Variants in CLSTN2 observed in about 807,000 individuals in gnomAD.
CLSTN2 encodes calsyntenin-2.
Under a neutral mutation model 101.2 loss-of-function variants are expected in CLSTN2, and 48 were observed. The ratio of observed to expected loss-of-function variants is 0.47; its 90% CI spans 0.38 to 0.60. The LOEUF is 0.60. Ranked by LOEUF, CLSTN2 falls within the 20% of genes least tolerant of loss-of-function variation. CLSTN2 has a pLI of 0.00. For missense variants in CLSTN2, 1,160 were observed against 1,238.2 expected (o/e 0.94, Z 0.95); for synonymous variants, 481 against 463.6 (o/e 1.04, Z -0.48).
intron 2 of CLSTN2, among the ~76,000 whole-genome samples, chr3:140,292,101 C>T (rs2086959915): frequency 6.6e-6 from 1 of 152,132 alleles, no homozygotes; most frequent in South Asian, 2.1e-4. Context: ...AAAACAATGC[C>T]TCTGTCCATG....
intron 1 of CLSTN2, among the ~76,000 whole-genome samples, chr3:139,944,102 C>T (rs1331471786): frequency 6.6e-6 from 1 of 152,208 alleles, no homozygotes; most frequent in Non-Finnish European, 1.5e-5. Context: ...ACTATTCTGA[C>T]TGCTTTATAG....
At chr3:140,325,837 G>C (rs1187134337) in intron 2 of CLSTN2, among the ~76,000 whole-genome samples, 1 of 152,192 alleles carries the variant, frequency 6.6e-6, no homozygotes, top group African/African-American at 2.4e-5. Context: ...ACCAGACACA[G>C]CAGTAGGGTG....
At chr3:140,046,028 T>G (rs531679763) in intron 1 of CLSTN2, among the ~76,000 whole-genome samples, 1 of 152,348 alleles carries the variant, frequency 6.6e-6, no homozygotes, top group East Asian at 1.9e-4. Flanking sequence ...AAATGTCTAT[T>G]AGGTCCGCTT....
intron 5 of CLSTN2, among the ~76,000 whole-genome samples, chr3:140,438,282 G>C (rs544505358): frequency 1.9e-3 from 138 of 71,046 alleles, no homozygotes; most frequent in African/African-American, 6.8e-3. Context: ...CACACATGGG[G>C]AATAGAGGGT....
intron 2 of CLSTN2, among the ~76,000 whole-genome samples, chr3:140,350,031 G>T (rs1488295891): frequency 6.6e-6 from 1 of 152,188 alleles, no homozygotes; most frequent in Non-Finnish European, 1.5e-5. Context: ...CCAGAAAAAA[G>T]AGTCAGGAGT....
At chr3:140,192,960 T>A (rs1390010009) in intron 2 of CLSTN2, among the ~76,000 whole-genome samples, 1 of 151,920 alleles carries the variant, frequency 6.6e-6, no homozygotes, top group Admixed American at 6.6e-5. Context: ...ATGGCTTTTT[T>A]TAGTGGTTGA....
At chr3:140,538,825 C>T (rs1935410831) in intron 9 of CLSTN2, among the ~76,000 whole-genome samples, 1 of 152,144 alleles carries the variant, frequency 6.6e-6, no homozygotes, top group Non-Finnish European at 1.5e-5. Flanking sequence ...TACAGGATAC[C>T]CTTTCACAAA....
chr3:140,560,188 C>T (rs2107793093), intron 12 of CLSTN2, among the ~76,000 whole-genome samples: 1 of 152,316 alleles, frequency 6.6e-6, no homozygotes, highest in African/African-American at 2.4e-5. Flanking sequence ...TAAATTTTTA[C>T]TCCTATTGTT....
intron 8 of CLSTN2, among the ~76,000 whole-genome samples, chr3:140,499,029 C>T (rs529871431): frequency 1.3e-5 from 2 of 151,856 alleles, no homozygotes; most frequent in Admixed American, 6.6e-5. Flanking sequence ...ACTTATTGAG[C>T]ATTTACTATA....
At chr3:140,278,547 C>T (rs2086815848) in intron 2 of CLSTN2, among the ~76,000 whole-genome samples, 1 of 152,166 alleles carries the variant, frequency 6.6e-6, no homozygotes, top group African/African-American at 2.4e-5. Flanking sequence ...CACCAGCAGA[C>T]AATGAATTCT....
At chr3:140,450,267 G>A (rs1933212201) in intron 6 of CLSTN2, among the ~76,000 whole-genome samples, 1 of 152,196 alleles carries the variant, frequency 6.6e-6, no homozygotes, top group East Asian at 1.9e-4. Context: ...AAGTAAGTCT[G>A]TCTAAATGAT....
At chr3:140,513,922 C>T (rs1934867209) in intron 8 of CLSTN2, among the ~76,000 whole-genome samples, 2 of 151,942 alleles carry the variant, frequency 1.3e-5, no homozygotes, top group African/African-American at 4.8e-5. Flanking sequence ...GTTTGCATTT[C>T]TGTGGGGTCA....
At chr3:140,320,509 A>T (rs2087271866) in intron 2 of CLSTN2, among the ~76,000 whole-genome samples, 1 of 151,852 alleles carries the variant, frequency 6.6e-6, no homozygotes, top group Admixed American at 6.6e-5. Context: ...CACTGAGCAG[A>T]CACCTCAGGC....
At chr3:139,969,414 G>A (rs927194396) in intron 1 of CLSTN2, among the ~76,000 whole-genome samples, 4 of 152,144 alleles carry the variant, frequency 2.6e-5, no homozygotes, top group Admixed American at 2.6e-4. Context: ...TCTTTCTACA[G>A]TAGACCTTGA....
At chr3:140,138,604 C>A (rs2009650125) in intron 1 of CLSTN2, among the ~76,000 whole-genome samples, 1 of 152,218 alleles carries the variant, frequency 6.6e-6, no homozygotes, top group South Asian at 2.1e-4. Flanking sequence ...GACATGTCAA[C>A]ATCTTATCTT....
chr3:140,534,025 T>C (rs1317472804), intron 9 of CLSTN2, among the ~76,000 whole-genome samples: 3 of 152,188 alleles, frequency 2.0e-5, no homozygotes, highest in Non-Finnish European at 2.9e-5. Context: ...GAGAGTATCT[T>C]CAGTTGCAGG....
At position 140,013,512 on chromosome 3, in the gene CLSTN2, G is replaced by A. The variant is rs144171935; in HGVS notation, c.109+78029G>A. Among the ~76,000 whole-genome samples the A allele has an allele frequency of 2.1e-4, 32 of 152,306 alleles. No individual in the cohort carries two copies. The East Asian group carries it at 3.1e-3, about 15-fold the overall frequency. On this transcript the variant is annotated intron_variant, in intron 1 of 16. Transcript: ENST00000458420. ...ACACATGTGGGTGATATGGAAATAA[G>A]GCCGTTTGGGTGCCAAATATTGAAA... is the stretch of plus-strand genomic sequence containing the variant.
At chr3:140,559,278 T>G (rs1238069298) in intron 12 of CLSTN2, among the ~76,000 whole-genome samples, 2 of 152,232 alleles carry the variant, frequency 1.3e-5, no homozygotes, top group Non-Finnish European at 1.5e-5. Flanking sequence ...CTTCCCTTTC[T>G]GTAATTGCAA....
intron 8 of CLSTN2, among the ~76,000 whole-genome samples, chr3:140,476,140 A>G (rs1933977583): frequency 2.6e-5 from 4 of 152,186 alleles, no homozygotes; most frequent in Admixed American, 2.6e-4. Context: ...CTTTCATAAT[A>G]TGAACGATAT....
Sources: allele counts gnomAD v4.1 joint callset (sites outside exome capture counted in the v4.1 genomes callset), GRCh38; gene constraint gnomAD v4.1.1; transcripts MANE v1.5; gene names NCBI Gene and HGNC (gene_info 2026-07-23, HGNC 2026-07-21).